PARD3: variants seen among roughly 807,000 people sequenced by gnomAD.
The protein encoded by PARD3 is par-3 family cell polarity regulator.
Under a neutral mutation model 155.4 loss-of-function variants are expected in PARD3, and 75 were observed. The ratio of observed to expected loss-of-function variants is 0.48; its 90% confidence interval spans 0.40 to 0.58. The LOEUF (loss-of-function observed/expected upper bound fraction) is 0.58, where lower values mean the gene tolerates loss of function less well. PARD3 is among the 20% of genes least tolerant of loss of function. The pLI is 0.00. For missense variants in PARD3, 1,642 were observed against 1,721.7 expected (o/e 0.95, Z 0.82); for synonymous variants, 576 against 610.5 (o/e 0.94, Z 0.83).
chr10:34,345,246 C>A, intron 15 of PARD3: 1 of 985,216 alleles, frequency 1.0e-6, no homozygotes, highest in South Asian at 4.7e-5. Context: ...ATCCTTTCAA[C>A]TCTAAAGGCT....
In PARD3 at chr10:34,413,180, C is replaced by T. The variant is rs193018815; in HGVS notation, c.715-11263G>A. Reference sequence around the variant, plus strand: ...ACACACACACACACACACACACACACATATATATAAGACTTTGTAACTGAT... The same window carrying T: ...ACACACACACACACACACACACACATATATATATAAGACTTTGTAACTGAT... On this transcript the variant is annotated intron_variant, in intron 5 of 24. Coordinates refer to ENST00000374788, the MANE Select transcript of PARD3 (RefSeq NM_001184785.2). Among the ~76,000 whole-genome samples, 229 of 145,256 alleles carry T rather than the reference C, an allele frequency of 1.6e-3. 1 individual carries two copies. Among genetic ancestry groups the T allele is most frequent in the Middle Eastern group, 3.5e-3 (1 of 288 alleles).
At chr10:34,510,063 G>C (rs2081313098) in intron 3 of PARD3, among the ~76,000 whole-genome samples, 1 of 152,154 alleles carries the variant, frequency 6.6e-6, no homozygotes, top group Admixed American at 6.5e-5. Context: ...TTGGTGTTTA[G>C]CATTTAACTT....
At chr10:34,255,273 A>T (rs886739987) in intron 22 of PARD3, among the ~76,000 whole-genome samples, 10 of 152,152 alleles carry the variant, frequency 6.6e-5, no homozygotes, top group African/African-American at 1.9e-4. Context: ...TCCACGCTAT[A>T]GTTTTATAGC....
chr10:34,190,308 A>G (rs1158670845), intron 22 of PARD3, among the ~76,000 whole-genome samples: 1 of 152,222 alleles, frequency 6.6e-6, no homozygotes, highest in Non-Finnish European at 1.5e-5. Context: ...TCTTCCCTTC[A>G]TAAGCCAGAC....
chr10:34,127,663 C>G (rs998070133), intron 23 of PARD3, among the ~76,000 whole-genome samples: 1 of 152,174 alleles, frequency 6.6e-6, no homozygotes, highest in African/African-American at 2.4e-5. Context: ...AGTCAAATGG[C>G]GAACACTGCT....
intron 5 of PARD3, among the ~76,000 whole-genome samples, chr10:34,447,480 C>CAAAAAAAAAAAAAAAAAAAAAAAAAAAA (rs745637071): frequency 1.1e-4 from 4 of 37,212 alleles, no homozygotes; most frequent in East Asian, 1.8e-3. Flanking sequence ...GACTGCGTCT[C>CAAAAAAAAAAAAAAAAAAAAAAAAAAAA]AAAAAAAAAA....
chr10:34,532,301 C>T (rs1335881650), intron 2 of PARD3, among the ~76,000 whole-genome samples: 2 of 152,002 alleles, frequency 1.3e-5, no homozygotes, highest in East Asian at 1.9e-4. Context: ...TGCCAAATCT[C>T]CAAAAATTTT....
chr10:34,352,198 TC>T (rs1838163012), intron 14 of PARD3, among the ~76,000 whole-genome samples: 1 of 152,226 alleles, frequency 6.6e-6, no homozygotes, highest in Non-Finnish European at 1.5e-5. Flanking sequence ...TATTTAAAAC[TC>T]AGCATAATTC....
intron 22 of PARD3, among the ~76,000 whole-genome samples, chr10:34,259,246 A>G (rs928259652): frequency 2.0e-5 from 3 of 152,264 alleles, no homozygotes; most frequent in Non-Finnish European, 4.4e-5. Flanking sequence ...AAATCACCAC[A>G]ACTGTATTGC....
At chr10:34,132,091 C>A (rs1460506123) in intron 22 of PARD3, among the ~76,000 whole-genome samples, 1 of 152,038 alleles carries the variant, frequency 6.6e-6, no homozygotes, top group Non-Finnish European at 1.5e-5. Flanking sequence ...AAATGCACAG[C>A]AATATTTTCA....
At chr10:34,318,127 C>T (rs1052101328) in intron 19 of PARD3, among the ~76,000 whole-genome samples, 4 of 152,162 alleles carry the variant, frequency 2.6e-5, no homozygotes, top group African/African-American at 7.2e-5. Context: ...ACCAACACTT[C>T]GTAAGCACAT....
intron 2 of PARD3, among the ~76,000 whole-genome samples, chr10:34,597,040 GCTC>G (rs2089334779): frequency 6.6e-6 from 1 of 152,108 alleles, no homozygotes; most frequent in South Asian, 2.1e-4. Context: ...AAGGTTCTAG[GCTC>G]CTATCAGAAT....
At chr10:34,696,621 A>G (rs932111724) in intron 1 of PARD3, among the ~76,000 whole-genome samples, 25 of 151,262 alleles carry the variant, frequency 1.7e-4, no homozygotes, top group African/African-American at 5.3e-4. Context: ...ACTCATACAC[A>G]CTCTTCCCTT....
At chr10:34,745,719 A>G (rs1279682175) in intron 1 of PARD3, among the ~76,000 whole-genome samples, 1 of 151,940 alleles carries the variant, frequency 6.6e-6, no homozygotes, top group African/African-American at 2.4e-5. Flanking sequence ...TGATTTCAGG[A>G]GTTCAATGCT....
At chr10:34,722,362 C>T (rs115124467) in intron 1 of PARD3, among the ~76,000 whole-genome samples, 1,677 of 152,174 alleles carry the variant, frequency 0.011, 28 homozygotes, top group African/African-American at 0.039. Flanking sequence ...GTGGTTATCG[C>T]CTGTACAGAA....
intron 2 of PARD3, among the ~76,000 whole-genome samples, chr10:34,665,329 T>C (rs2093423682): frequency 6.8e-6 from 1 of 147,778 alleles, no homozygotes; most frequent in South Asian, 2.2e-4. Context: ...CTGACCAACA[T>C]GGAGAAGCCC....
At chr10:34,392,709 C>T (rs901686315) in intron 7 of PARD3, among the ~76,000 whole-genome samples, 1 of 152,138 alleles carries the variant, frequency 6.6e-6, no homozygotes, top group South Asian at 2.1e-4. Flanking sequence ...AACTTCCCTT[C>T]TTCCTGAGAA....
intron 2 of PARD3, among the ~76,000 whole-genome samples, chr10:34,600,766 T>C (rs2089691453): frequency 6.6e-6 from 1 of 152,108 alleles, no homozygotes; most frequent in Admixed American, 6.6e-5. Context: ...AAATACTTGG[T>C]AGGGCTACCA....
intron 18 of PARD3, 54 bp from the exon 19 acceptor site, chr10:34,331,398 C>T (rs1835601011): frequency 8.7e-7 from 1 of 1,148,602 alleles, no homozygotes; most frequent in Admixed American, 1.8e-5. Context: ...AAATTATGTA[C>T]CTGAATATGC....
Sources: allele counts gnomAD v4.1 joint callset (sites outside exome capture counted in the v4.1 genomes callset), GRCh38; gene constraint gnomAD v4.1.1; transcripts MANE v1.5; gene names NCBI Gene and HGNC (gene_info 2026-07-23, HGNC 2026-07-21).